CPA3: variants seen among roughly 807,000 people sequenced by gnomAD.
The protein encoded by CPA3 is carboxypeptidase A3, also known as mast cell carboxypeptidase A.
In CPA3, 52 loss-of-function variants were observed where a neutral mutation model predicts 55.8. The observed-to-expected ratio is 0.93, with a 90% CI of 0.75 to 1.17. The LOEUF (loss-of-function observed/expected upper bound fraction) is 1.17, where lower values mean the gene tolerates loss of function less well. Among genes scored for constraint, CPA3 ranks in the 50% most tolerant of loss-of-function variants. The pLI is 0.00. For synonymous variants in CPA3, 179 were observed against 171.2 expected (o/e 1.05, Z -0.36); for missense variants, 547 against 509.1 (o/e 1.07, Z -0.72).
At chr3:148,868,059 C>T (rs1488959636) in intron 2 of CPA3, among the ~76,000 whole-genome samples, 1 of 152,090 alleles carries the variant, frequency 6.6e-6, no homozygotes, top group African/African-American at 2.4e-5. Flanking sequence ...CCATGCCTGG[C>T]TAATTCTCTA....
chr3:148,869,139 C>T, intron 3 of CPA3, 100 bp downstream of exon 3: 1 of 1,346,230 alleles, frequency 7.4e-7, no homozygotes, highest in South Asian at 1.4e-5. Flanking sequence ...TAATTGGGCC[C>T]CCCAGAACGA....
chr3:148,872,837 C>T (rs556584834), intron 3 of CPA3, among the ~76,000 whole-genome samples: 2 of 152,260 alleles, frequency 1.3e-5, no homozygotes, highest in Non-Finnish European at 2.9e-5. Context: ...TCTGAAGCAA[C>T]GCTGTCTGGG....
intron 2 of CPA3, among the ~76,000 whole-genome samples, chr3:148,867,883 G>T (rs993611932): frequency 8.5e-5 from 13 of 152,172 alleles, no homozygotes; most frequent in African/African-American, 3.1e-4. Flanking sequence ...TTCAATGTTT[G>T]CTTTTGTTTT....
intron 10 of CPA3, 77 bp downstream of exon 10, chr3:148,886,254 G>A: frequency 9.6e-7 from 1 of 1,040,994 alleles, no homozygotes; most frequent in Non-Finnish European, 1.4e-6. Flanking sequence ...TATGGAATTT[G>A]CAATTTAGGT....
chr3:148,868,886 T>C (rs1453169296), intron 2 of CPA3, 29 bp from the exon 3 acceptor site: 2 of 1,607,276 alleles, frequency 1.2e-6, no homozygotes. Flanking sequence ...GCAAATAAAC[T>C]CTGACTAACA....
At position 148,865,453 on chromosome 3, in the gene CPA3, T is replaced by G. The variant is rs1713869271; in HGVS notation, c.69-20T>G. On this transcript the variant is annotated intron_variant, in intron 1 of 10. Coordinates refer to ENST00000296046, the MANE Select transcript of CPA3 (RefSeq NM_001870.4). ...GTTTCCTTACAGTTCACTTTTTTTT[T>G]TTCATTTGCCTCCACAAAGGGAGAA... The G allele has an allele frequency of 6.2e-7, 1 of 1,613,736 alleles. No individual in the cohort carries two copies. Among genetic ancestry groups the G allele is most frequent in the Admixed American group, 1.7e-5 (1 of 59,962 alleles).
At chr3:148,876,366 T>A (rs946456671) in intron 3 of CPA3, among the ~76,000 whole-genome samples, 8 of 151,868 alleles carry the variant, frequency 5.3e-5, no homozygotes, top group Non-Finnish European at 1.2e-4. Context: ...ATTCCTAAAA[T>A]GATTCTGATA....
At chr3:148,884,773 G>T (rs1576583687) in intron 9 of CPA3, among the ~76,000 whole-genome samples, 1 of 151,784 alleles carries the variant, frequency 6.6e-6, no homozygotes, top group Admixed American at 6.6e-5. Context: ...TAATCTGAGG[G>T]CGTGAGTTCA....
At chr3:148,866,373 A>G (rs1286439549) in intron 2 of CPA3, among the ~76,000 whole-genome samples, 1 of 152,006 alleles carries the variant, frequency 6.6e-6, no homozygotes, top group South Asian at 2.1e-4. Context: ...TGTTCACTCT[A>G]CCTCTTGCAA....
At position 148,886,106 on chromosome 3, in the gene CPA3, AG is replaced by A; in HGVS notation, c.996del (p.Ile333LeufsTer19). On this transcript the variant is annotated frameshift_variant, in exon 10 of 11. Coordinates refer to ENST00000296046, the MANE Select transcript of CPA3 (RefSeq NM_001870.4). LOFTEE classifies it high-confidence loss of function. ...PNHEDLAKVA[K>X]IGTDVLSTRY... The stretch of plus-strand genomic sequence containing the variant: ...CTTTCTCTCCAGGCCAAAGTTGCAA[AG>A]ATTGGCACTGATGTTCTATCAACTC... The A allele has an allele frequency of 6.8e-6, 11 of 1,613,334 alleles. No homozygotes were observed. Among genetic ancestry groups the A allele is most frequent in the Non-Finnish European group, 9.3e-6 (11 of 1,179,544 alleles).
At chr3:148,870,526 T>G (rs188645434) in intron 3 of CPA3, among the ~76,000 whole-genome samples, 100 of 152,334 alleles carry the variant, frequency 6.6e-4, no homozygotes, top group Non-Finnish European at 1.3e-3. Context: ...TAACATTCTA[T>G]TATTTGTGAT....
intron 9 of CPA3, among the ~76,000 whole-genome samples, chr3:148,885,298 G>A (rs1468522611): frequency 6.9e-6 from 1 of 145,522 alleles, no homozygotes; most frequent in African/African-American, 2.5e-5. Flanking sequence ...GAAAAATAAT[G>A]TATATTTTAT....
chr3:148,885,302 A>G (rs1475197385), intron 9 of CPA3, among the ~76,000 whole-genome samples: 1 of 150,822 alleles, frequency 6.6e-6, no homozygotes, highest in African/African-American at 2.4e-5. Flanking sequence ...AATAATGTAT[A>G]TTTTATATTT....
At chr3:148,873,572 T>C (rs1040244755) in intron 3 of CPA3, among the ~76,000 whole-genome samples, 6 of 152,160 alleles carry the variant, frequency 3.9e-5, no homozygotes, top group African/African-American at 1.4e-4. Flanking sequence ...TCCATGAGAG[T>C]TGGTTGATTG....
chr3:148,882,295 A>G (rs1300776275), intron 7 of CPA3, among the ~76,000 whole-genome samples: 2 of 152,234 alleles, frequency 1.3e-5, no homozygotes, highest in African/African-American at 4.8e-5. Flanking sequence ...ATTTCATCAA[A>G]GCCTAAGGAT....
chr3:148,876,587 G>C (rs1714211583), intron 3 of CPA3, among the ~76,000 whole-genome samples: 1 of 152,090 alleles, frequency 6.6e-6, no homozygotes, highest in South Asian at 2.1e-4. Flanking sequence ...ATGTTGCCCA[G>C]GCTGGTCTCA....
intron 3 of CPA3, among the ~76,000 whole-genome samples, chr3:148,875,056 CATGTTCGT>C (rs1412463576): frequency 6.6e-6 from 1 of 152,198 alleles, no homozygotes; most frequent in Non-Finnish European, 1.5e-5. Context: ...CCCAAGATCA[CATGTTCGT>C]ATTATGTAGC....
chr3:148,890,642 A>G (rs1265671588), intron 10 of CPA3, among the ~76,000 whole-genome samples: 2 of 152,182 alleles, frequency 1.3e-5, no homozygotes, highest in East Asian at 3.8e-4. Flanking sequence ...CTTCTAATAT[A>G]ATTTTCACTT....
At position 148,865,487 on chromosome 3, in the gene CPA3, G is replaced by A. The variant is rs781309145; in HGVS notation, c.83G>A (p.Arg28His). Residue 28 changes from arginine (R) to histidine (H), a missense_variant, in exon 2 of 11, where the codon CGC becomes CAC. By Grantham distance (29) the Arg-to-His change is conservative. Transcript: ENST00000296046. ...CCTCCACAAAGGGAGAAGGTGTTCC[G>A]CGTGAAGCCCCAGGATGAAAAACAA... is the stretch of plus-strand genomic sequence containing the variant. ...PVRFDREKVF[R>H]VKPQDEKQAD... 24 of 1,613,664 alleles carry A rather than the reference G, an allele frequency of 1.5e-5. No individual in the cohort carries two copies. The highest frequency in any genetic ancestry group is 2.2e-5 in the East Asian group (1 of 44,850).
Sources: allele counts gnomAD v4.1 joint callset (sites outside exome capture counted in the v4.1 genomes callset), GRCh38; gene constraint gnomAD v4.1.1; transcripts MANE v1.5; gene names NCBI Gene and HGNC (gene_info 2026-07-23, HGNC 2026-07-21).